CACNA1C: variants seen among roughly 807,000 people sequenced by gnomAD.
The protein encoded by CACNA1C is calcium voltage-gated channel subunit alpha1 C.
A neutral mutation model predicts 229.0 loss-of-function variants in CACNA1C; 30 were observed. The observed-to-expected ratio is 0.13, with a 90% CI of 0.10 to 0.18. The LOEUF is 0.18. Ranked by LOEUF, CACNA1C falls within the 10% of genes least tolerant of loss-of-function variation. The probability of loss-of-function intolerance (pLI) is 1.00; values close to 1 mark genes in which losing one functional copy is unlikely to be tolerated. For missense variants in CACNA1C, 1,658 were observed against 2,845.0 expected (o/e 0.58, Z 9.49); for synonymous variants, 1,114 against 1,132.5 (o/e 0.98, Z 0.33).
intron 37 of CACNA1C, 121 bp from the exon 38 acceptor site, chr12:2,668,812 C>T: frequency 1.4e-6 from 1 of 695,322 alleles, no homozygotes; most frequent in South Asian, 1.7e-5. Flanking sequence ...CTGGGGATTA[C>T]AATTCAACAT....
intron 3 of CACNA1C, among the ~76,000 whole-genome samples, chr12:2,324,164 A>G (rs1371603402): frequency 6.6e-6 from 1 of 152,164 alleles, no homozygotes; most frequent in African/African-American, 2.4e-5. Context: ...ATGCTTAAAG[A>G]TGACTCACTC....
chr12:2,135,644 TGAA>T (rs2093305261), intron 3 of CACNA1C, among the ~76,000 whole-genome samples: 1 of 141,578 alleles, frequency 7.1e-6, no homozygotes, highest in Non-Finnish European at 1.5e-5. Flanking sequence ...GGGACCCACT[TGAA>T]GAGGCAGTCT....
At chr12:2,295,723 C>T (rs1201732903) in intron 3 of CACNA1C, among the ~76,000 whole-genome samples, 6 of 152,214 alleles carry the variant, frequency 3.9e-5, no homozygotes, top group African/African-American at 4.8e-5. Context: ...TTGAATACAG[C>T]GTAACCAACC....
At chr12:2,262,171 T>C (rs1367084496) in intron 3 of CACNA1C, among the ~76,000 whole-genome samples, 1 of 152,220 alleles carries the variant, frequency 6.6e-6, no homozygotes, top group Non-Finnish European at 1.5e-5. Context: ...CAGGAGATGC[T>C]AAGATGCAGG....
At position 2,677,810 on chromosome 12, in the gene CACNA1C, G is replaced by A. The variant is rs863224373; in HGVS notation, c.5034G>A (p.Glu1678=). Residue 1678 remains glutamate (E), a synonymous_variant, in exon 41 of 47, where the codon GAG becomes GAA. Coordinates refer to ENST00000399655, the MANE Select transcript of CACNA1C (RefSeq NM_000719.7). The surrounding 1 kb of genome is among the most constrained non-coding windows in gnomAD (Gnocchi z 7.4). ...CTGGAGATCTCACCGCTGAGGAGGA[G>A]CTGGACAAGGCCATGAAGGAGGCTG... ...AISGDLTAEE[E]LDKAMKEAVS... The A allele has an allele frequency of 6.2e-7, 1 of 1,614,030 alleles. No homozygotes were observed. Among genetic ancestry groups the A allele is most frequent in the Non-Finnish European group, 8.5e-7 (1 of 1,179,898 alleles).
intron 3 of CACNA1C, among the ~76,000 whole-genome samples, chr12:2,198,730 C>T (rs954448642): frequency 1.3e-5 from 2 of 152,172 alleles, no homozygotes; most frequent in Non-Finnish European, 2.9e-5. Context: ...AGGAAGGGAA[C>T]GGGCAAGGAA....
intron 5 of CACNA1C, among the ~76,000 whole-genome samples, chr12:2,485,120 T>G (rs2154570401): frequency 6.6e-6 from 1 of 152,122 alleles, no homozygotes; most frequent in Non-Finnish European, 1.5e-5. Flanking sequence ...ACACAAAAAG[T>G]GACCTGTGTA....
At chr12:2,068,258 G>A (rs1208360912) in intron 1 of CACNA1C, among the ~76,000 whole-genome samples, 2 of 152,194 alleles carry the variant, frequency 1.3e-5, no homozygotes, top group Non-Finnish European at 2.9e-5. Flanking sequence ...GGTGTAGGAA[G>A]GTGTGAATGA....
chr12:2,269,077 G>A (rs2083618747), intron 3 of CACNA1C, among the ~76,000 whole-genome samples: 1 of 152,234 alleles, frequency 6.6e-6, no homozygotes, highest in South Asian at 2.1e-4. Context: ...GTTACAGGGA[G>A]TAGCGGGCAC....
Position 2,691,249 on chromosome 12 carries a change from T to C in CACNA1C, c.*50T>C. 1 of 1,479,578 alleles carries C rather than the reference T, an allele frequency of 6.8e-7. No individual in the cohort carries two copies. Among genetic ancestry groups the C allele is most frequent in the Non-Finnish European group, 9.0e-7 (1 of 1,112,288 alleles). 91.7% of individuals were successfully genotyped at this position (1,479,578 alleles called of 1,614,324 possible). A position where few individuals can be genotyped will look rare whatever the true frequency, so the allele number is the denominator to read the frequency against. On this transcript the variant is annotated 3_prime_UTR_variant, in exon 47 of 47. Transcript: ENST00000399655. ...TTTTTATTTGTTTCAATGTTCCTAA[T>C]GGGTTCGTTTCAGAAGTGCCTCACT... is the stretch of plus-strand genomic sequence containing the variant.
At chr12:2,394,446 G>A (rs1474533642) in intron 3 of CACNA1C, among the ~76,000 whole-genome samples, 1 of 152,234 alleles carries the variant, frequency 6.6e-6, no homozygotes, top group African/African-American at 2.4e-5. Flanking sequence ...TCCCCTGCAA[G>A]TATACCTTTA....
intron 1 of CACNA1C, chr12:2,020,312 A>G (rs750792189): frequency 6.6e-6 from 1 of 152,150 alleles, no homozygotes; most frequent in African/African-American, 2.4e-5. Context: ...TACAATACTG[A>G]GGATCAGGGA....
rs565829443 is a variant in CACNA1C, at chr12:2,251,611, C to T, written c.477+131181C>T. 1.6e-3 allele frequency among the ~76,000 whole-genome samples: 249 copies of T among 152,268 alleles called. 2 individuals are homozygous for T. The highest frequency in any genetic ancestry group is 5.6e-3 in the African/African-American group (232 of 41,552). On this transcript the variant is annotated intron_variant, in intron 3 of 46. Transcript: ENST00000399655. ...ATTGCAGGGCAACCAAACCCAGCCC[C>T]GGGCCCATGGGAATGAACATACATA... is the stretch of plus-strand genomic sequence containing the variant.
intron 3 of CACNA1C, among the ~76,000 whole-genome samples, chr12:2,249,057 C>G (rs964714636): frequency 1.3e-5 from 2 of 152,170 alleles, no homozygotes; most frequent in Non-Finnish European, 2.9e-5. Flanking sequence ...TCATTTCTAG[C>G]GTTCTGAATA....
intron 1 of CACNA1C, among the ~76,000 whole-genome samples, chr12:2,042,051 G>T (rs2050208607): frequency 6.6e-6 from 1 of 152,202 alleles, no homozygotes; most frequent in Non-Finnish European, 1.5e-5. Flanking sequence ...ACATAAAATT[G>T]TTGCATTACT....
Position 2,403,461 on chromosome 12 carries a change from A to G in CACNA1C, c.478-45515A>G, listed in dbSNP as rs556499605. Reference sequence around the variant, plus strand: ...GAAGCTGCAGGCACGTGACTCCTGCACTGGCCTCACCTCTCACCAGCTCTG... The same window carrying G: ...GAAGCTGCAGGCACGTGACTCCTGCGCTGGCCTCACCTCTCACCAGCTCTG... On this transcript the variant is annotated intron_variant, in intron 3 of 46. Coordinates refer to ENST00000399655, the MANE Select transcript of CACNA1C (RefSeq NM_000719.7). This position sits in a 1 kb window ranked among gnomAD's most constrained non-coding sequence, Gnocchi z 4.1. 1.6e-4 allele frequency among the ~76,000 whole-genome samples: 24 copies of G among 152,140 alleles called. No homozygotes were observed. The highest frequency in any genetic ancestry group is 2.4e-4 in the Non-Finnish European group (16 of 68,034).
intron 9 of CACNA1C, among the ~76,000 whole-genome samples, chr12:2,523,452 A>G (rs1376237948): frequency 6.6e-6 from 1 of 151,990 alleles, no homozygotes; most frequent in Non-Finnish European, 1.5e-5. Flanking sequence ...CTAGCTTACC[A>G]CTTTCCTGCC....
At chr12:2,182,878 C>G (rs560950850) in intron 3 of CACNA1C, among the ~76,000 whole-genome samples, 1 of 152,228 alleles carries the variant, frequency 6.6e-6, no homozygotes, top group African/African-American at 2.4e-5. Flanking sequence ...TGGTGCTGTC[C>G]TCGGAAGAGA....
chr12:2,030,507 G>A (rs2048047324), intron 1 of CACNA1C, among the ~76,000 whole-genome samples: 1 of 152,172 alleles, frequency 6.6e-6, no homozygotes, highest in Non-Finnish European at 1.5e-5. Context: ...CTGTGCTGAG[G>A]AAGTAGCATC....
Sources: gnomAD v4.1 joint callset for allele counts (sites outside exome capture counted in the v4.1 genomes callset) on GRCh38, gnomAD v4.1.1 for gene constraint, Gnocchi (gnomAD v3.1) non-coding constraint, MANE v1.5 for transcripts, NCBI Gene and HGNC (gene_info 2026-07-23, HGNC 2026-07-21) for gene names.